PARVB: variants seen among roughly 807,000 people sequenced by gnomAD.
The protein encoded by PARVB is beta-parvin.
In PARVB, 46 loss-of-function variants were observed where a neutral mutation model predicts 47.0. That is an observed-to-expected ratio of 0.98 (90% CI 0.77 to 1.25). PARVB has a LOEUF of 1.25. Ranked by LOEUF, PARVB falls within the 50% of genes most tolerant of loss-of-function variation. PARVB has a pLI of 0.00. For synonymous variants in PARVB, 196 were observed against 196.3 expected, an observed-to-expected ratio of 1.00 and a Z score of 0.01; for missense variants, 473 against 471.6, an observed-to-expected ratio of 1.00 and a Z score of -0.03.
At chr22:44,156,878 A>G (rs2053947073) in intron 10 of PARVB, among the ~76,000 whole-genome samples, 1 of 152,230 alleles carries the variant, frequency 6.6e-6, no homozygotes, top group Non-Finnish European at 1.5e-5. Context: ...GCTGGGGGGA[A>G]GGTAGAATAG....
intron 1 of PARVB, among the ~76,000 whole-genome samples, chr22:44,078,834 C>T (rs1290663337): frequency 6.6e-6 from 1 of 152,230 alleles, no homozygotes; most frequent in East Asian, 1.9e-4. Context: ...AAGCGATTCT[C>T]CTGCCTCAGC....
chr22:44,085,291 G>GTTTTCT (rs202198824), intron 1 of PARVB, among the ~76,000 whole-genome samples: 2,989 of 151,952 alleles, frequency 0.02, 111 homozygotes, highest in African/African-American at 0.069. Context: ...CTGCAACATG[G>GTTTTCT]TTTTCTTTTT....
At chr22:44,082,212 A>G (rs1478637915) in intron 1 of PARVB, among the ~76,000 whole-genome samples, 1 of 152,166 alleles carries the variant, frequency 6.6e-6, no homozygotes, top group Non-Finnish European at 1.5e-5. Context: ...AAGGGTGGCA[A>G]TTGAAGGGAG....
chr22:44,064,216 G>A (rs991126652), intron 1 of PARVB, among the ~76,000 whole-genome samples: 2 of 152,184 alleles, frequency 1.3e-5, no homozygotes, highest in Admixed American at 6.5e-5. Flanking sequence ...GCAGCCAGCC[G>A]TATCACCTGG....
chr22:44,152,151 C>CT (rs575608540), intron 10 of PARVB: 12,049 of 140,680 alleles, frequency 0.086, 701 homozygotes, highest in South Asian at 0.28. Context: ...CTTTTTCTTT[C>CT]TTTTTTTTTT....
At chr22:44,128,327 C>T (rs1382059370) in intron 4 of PARVB, among the ~76,000 whole-genome samples, 1 of 152,196 alleles carries the variant, frequency 6.6e-6, no homozygotes, top group Non-Finnish European at 1.5e-5. Flanking sequence ...CCCATGTGGC[C>T]ATCACTCAGG....
intron 10 of PARVB, among the ~76,000 whole-genome samples, chr22:44,157,620 C>T (rs1170499295): frequency 4.6e-5 from 7 of 152,034 alleles, no homozygotes; most frequent in Admixed American, 1.3e-4. Context: ...GGCTCCCACC[C>T]GTAATCCCAG....
chr22:44,157,840 C>T, intron 10 of PARVB, 142 bp from the exon 11 acceptor site: 1 of 605,166 alleles, frequency 1.7e-6, no homozygotes, highest in Non-Finnish European at 3.0e-6. Context: ...CTGCAGTGAG[C>T]CTTGATTGCA....
rs1477504103 is a variant in PARVB, at chr22:44,125,250, CT to C, written c.376+6112del. ...CATCTGATGAATGAATGTTCATTGG[CT>C]TACATGTGTCGGGTGGCTCTTGGCT... On this transcript the variant is annotated intron_variant, in intron 4 of 12. Coordinates refer to ENST00000338758, the MANE Select transcript of PARVB (RefSeq NM_013327.5). The surrounding 1 kb of genome is among the most constrained non-coding windows in gnomAD (Gnocchi z 4.1). 6.6e-6 allele frequency among the ~76,000 whole-genome samples: 1 copy of C among 152,100 alleles called. No individual in the cohort carries two copies. Among genetic ancestry groups the C allele is most frequent in the African/African-American group, 2.4e-5 (1 of 41,404 alleles).
At chr22:44,034,979 G>C (rs8139103) in intron 1 of PARVB, among the ~76,000 whole-genome samples, 50,411 of 151,846 alleles carry the variant, frequency 0.33, 9,955 homozygotes, top group African/African-American at 0.55. Context: ...CCAAAGTACT[G>C]GTATTACAGG....
Position 44,068,468 on chromosome 22 carries a change from C to T in PARVB, c.113-25460C>T. Among the ~76,000 whole-genome samples, 1 of 152,216 alleles carries T rather than the reference C, an allele frequency of 6.6e-6. No homozygotes were observed. Among genetic ancestry groups the T allele is most frequent in the East Asian group, 1.9e-4 (1 of 5,196 alleles). Reference sequence around the variant, plus strand: ...CCTACTTCTCCCCTCATTCAAGGACCTTCCTTTGGGGAAGTGAGTGCTCCC... The same window carrying T: ...CCTACTTCTCCCCTCATTCAAGGACTTTCCTTTGGGGAAGTGAGTGCTCCC... On this transcript the variant is annotated intron_variant, in intron 1 of 12. Transcript: ENST00000338758. The surrounding 1 kb of genome is among the most constrained non-coding windows in gnomAD (Gnocchi z 4.1).
intron 2 of PARVB, among the ~76,000 whole-genome samples, chr22:44,009,129 TTAAGA>T (rs1198864558): frequency 1.3e-4 from 20 of 152,252 alleles, no homozygotes; most frequent in South Asian, 6.2e-4. Flanking sequence ...TTTGACTGTC[TTAAGA>T]TAATTTAGCA....
chr22:44,136,312 C>G, intron 6 of PARVB, 148 bp from the exon 7 acceptor site: 1 of 723,582 alleles, frequency 1.4e-6, no homozygotes, highest in Admixed American at 2.1e-5. Flanking sequence ...CTCACCCAGG[C>G]CTGGCATGCG....
At chr22:44,164,986 A>G (rs1419972300) in intron 12 of PARVB, among the ~76,000 whole-genome samples, 1 of 151,940 alleles carries the variant, frequency 6.6e-6, no homozygotes, top group Non-Finnish European at 1.5e-5. Flanking sequence ...TCTCGTGTGT[A>G]TGGCTGTTTA....
chr22:44,134,074 T>A (rs2053388918), intron 6 of PARVB, among the ~76,000 whole-genome samples: 1 of 152,120 alleles, frequency 6.6e-6, no homozygotes. Context: ...CCGGCTCCAC[T>A]TTCCTCTGGT....
At chr22:44,060,841 A>G (rs893179296) in intron 1 of PARVB, among the ~76,000 whole-genome samples, 2 of 152,056 alleles carry the variant, frequency 1.3e-5, no homozygotes, top group African/African-American at 2.4e-5. Flanking sequence ...AAGTTAGCCA[A>G]TACTGAGCCA....
chr22:44,011,897 G>C (rs2050527308), intron 2 of PARVB, among the ~76,000 whole-genome samples: 1 of 152,130 alleles, frequency 6.6e-6, no homozygotes. Flanking sequence ...CAAATTGGGT[G>C]GGAGGAGAAA....
intron 3 of PARVB, among the ~76,000 whole-genome samples, chr22:44,101,615 G>A (rs934030799): frequency 3.3e-5 from 5 of 151,706 alleles, no homozygotes; most frequent in East Asian, 1.9e-4. Context: ...GCCGGGCATG[G>A]TGGTGGGTGC....
intron 1 of PARVB, among the ~76,000 whole-genome samples, chr22:44,064,115 T>C (rs2284156): frequency 0.31 from 47,511 of 151,912 alleles, 7,612 homozygotes; most frequent in South Asian, 0.38. Context: ...GGGAGTGGAA[T>C]ATCCTGCTCT....
Sources: allele counts gnomAD v4.1 joint callset (sites outside exome capture counted in the v4.1 genomes callset), GRCh38; gene constraint gnomAD v4.1.1; non-coding constraint Gnocchi (gnomAD v3.1); transcripts MANE v1.5; gene names NCBI Gene and HGNC (gene_info 2026-07-23, HGNC 2026-07-21).